The following TNR variants were observed in gnomAD, a reference collection of about 807,000 sequenced individuals.
TNR encodes tenascin R.
TNR carries 45 observed loss-of-function variants against 150.4 expected under a neutral mutation model. The observed-to-expected ratio is 0.30, with a 90% CI of 0.24 to 0.38. The LOEUF is 0.38. Ranked by LOEUF, TNR falls within the 10% of genes least tolerant of loss-of-function variation. The probability of loss-of-function intolerance (pLI) is 1.00; values close to 1 mark genes in which losing one functional copy is unlikely to be tolerated. For synonymous variants in TNR, 687 were observed against 678.4 expected, an observed-to-expected ratio of 1.01 and a Z score of -0.20; for missense variants, 1,544 against 1,759.1, an observed-to-expected ratio of 0.88 and a Z score of 2.19.
chr1:175,420,488 A>T (rs762754304), intron 2 of TNR, among the ~76,000 whole-genome samples: 5 of 152,240 alleles, frequency 3.3e-5, no homozygotes, highest in Admixed American at 1.3e-4. Flanking sequence ...GCCTTCAACT[A>T]ACCTAACAGT....
chr1:175,500,239 G>A (rs2102148517), intron 2 of TNR, among the ~76,000 whole-genome samples: 1 of 152,298 alleles, frequency 6.6e-6, no homozygotes, highest in South Asian at 2.1e-4. Context: ...AGTCACTTGA[G>A]TTTCTGGGAA....
intron 1 of TNR, among the ~76,000 whole-genome samples, chr1:175,726,416 C>A (rs1033526168): frequency 1.3e-5 from 2 of 152,344 alleles, no homozygotes; most frequent in South Asian, 4.1e-4. Context: ...AGATTTTCTG[C>A]AGTTTAGGCC....
intron 1 of TNR, among the ~76,000 whole-genome samples, chr1:175,585,090 T>C (rs1305057274): frequency 6.6e-6 from 1 of 152,226 alleles, no homozygotes; most frequent in Non-Finnish European, 1.5e-5. Context: ...TTCTGAGGCC[T>C]TAACTCATGT....
At chr1:175,351,208 T>A (rs1313174098) in intron 18 of TNR, among the ~76,000 whole-genome samples, 2 of 152,202 alleles carry the variant, frequency 1.3e-5, no homozygotes, top group African/African-American at 4.8e-5. Flanking sequence ...TTATTGGTAA[T>A]GTCCCCAATC....
intron 2 of TNR, among the ~76,000 whole-genome samples, chr1:175,525,316 T>C (rs1659806091): frequency 1.3e-5 from 2 of 152,174 alleles, no homozygotes. Flanking sequence ...TCCCAGGCAG[T>C]TCTTTACAGA....
intron 1 of TNR, among the ~76,000 whole-genome samples, chr1:175,620,846 G>A (rs202182108): frequency 4.0e-5 from 6 of 151,590 alleles, no homozygotes; most frequent in Non-Finnish European, 7.4e-5. Context: ...AAAAAAAAAA[G>A]AGAGAGAGAA....
chr1:175,495,073 C>T (rs1483489537), intron 2 of TNR, among the ~76,000 whole-genome samples: 1 of 152,168 alleles, frequency 6.6e-6, no homozygotes, highest in Non-Finnish European at 1.5e-5. Flanking sequence ...ATTCATTGCT[C>T]ACCCACTCAT....
chr1:175,649,515 T>C (rs1664891530), intron 1 of TNR, among the ~76,000 whole-genome samples: 1 of 152,106 alleles, frequency 6.6e-6, no homozygotes, highest in Non-Finnish European at 1.5e-5. Context: ...GCATCTTCCT[T>C]GTTTCTTGAT....
In TNR at chr1:175,355,653, C is replaced by T. The variant is rs774883805; in HGVS notation, c.3119-20G>A. 1.9e-6 allele frequency: 3 copies of T among 1,612,452 alleles called. No individual in the cohort carries two copies. Among genetic ancestry groups the T allele is most frequent in the South Asian group, 2.2e-5 (2 of 90,818 alleles). ...CCAGGACTGCAAAGAGGAGAAAGTG[C>T]CAGGGCATGCCTGCCTCTCCAGCTC... On this transcript the variant is annotated intron_variant, in intron 16 of 22. Coordinates refer to ENST00000367674, the MANE Select transcript of TNR (RefSeq NM_003285.3).
chr1:175,565,847 G>A (rs1661620862), intron 1 of TNR, among the ~76,000 whole-genome samples: 6 of 152,176 alleles, frequency 3.9e-5, no homozygotes, highest in South Asian at 2.1e-4. Context: ...ACTAAAAAAC[G>A]AATTACATTT....
rs567137759 is a variant in TNR at position 175,453,769 on chromosome 1, C to T, written c.-63-46992G>A. On this transcript the variant is annotated intron_variant, in intron 2 of 22. Transcript: ENST00000367674. ...AAAGTTTTTTTTAGAGACTATGTCT[C>T]GCTTTGTTGTCCAGTCTGGTCTCGA... Among the ~76,000 whole-genome samples, 25 of 152,224 alleles carry T rather than the reference C, an allele frequency of 1.6e-4. 3 individuals carry two copies. In the South Asian group the frequency reaches 4.6e-3, roughly 28 times the overall value.
intron 1 of TNR, among the ~76,000 whole-genome samples, chr1:175,535,295 C>T (rs1660229813): frequency 6.6e-6 from 1 of 152,200 alleles, no homozygotes; most frequent in African/African-American, 2.4e-5. Context: ...GCAGCAGATT[C>T]AGTGCATGAA....
intron 1 of TNR, among the ~76,000 whole-genome samples, chr1:175,691,162 C>A (rs971364009): frequency 5.3e-5 from 4 of 75,274 alleles, no homozygotes; most frequent in Non-Finnish European, 1.1e-4. Flanking sequence ...CCTATCCACA[C>A]CTTAACACCC....
chr1:175,420,850 T>C (rs985989295), intron 2 of TNR, among the ~76,000 whole-genome samples: 2 of 152,196 alleles, frequency 1.3e-5, no homozygotes, highest in Admixed American at 6.5e-5. Flanking sequence ...AAATTCACAG[T>C]GTAAAAAGGA....
At chr1:175,609,626 G>A (rs1663529573) in intron 1 of TNR, among the ~76,000 whole-genome samples, 1 of 152,172 alleles carries the variant, frequency 6.6e-6, no homozygotes, top group Non-Finnish European at 1.5e-5. Context: ...GACTTTGCAG[G>A]GCTAGAGACA....
chr1:175,578,520 A>G (rs1210943561), intron 1 of TNR, among the ~76,000 whole-genome samples: 1 of 152,194 alleles, frequency 6.6e-6, no homozygotes, highest in Non-Finnish European at 1.5e-5. Context: ...TGACATGGGC[A>G]TACAGAGGGG....
At chr1:175,451,028 G>A (rs1656286367) in intron 2 of TNR, among the ~76,000 whole-genome samples, 1 of 152,086 alleles carries the variant, frequency 6.6e-6, no homozygotes, top group Non-Finnish European at 1.5e-5. Context: ...GGGGATGAAG[G>A]CATTTGTGAT....
At chr1:175,350,287 C>T (rs1358395952) in intron 18 of TNR, among the ~76,000 whole-genome samples, 1 of 152,210 alleles carries the variant, frequency 6.6e-6, no homozygotes, top group Non-Finnish European at 1.5e-5. Flanking sequence ...ATTGTCTTTA[C>T]TTAACCTCAA....
intron 1 of TNR, among the ~76,000 whole-genome samples, chr1:175,668,007 G>C (rs1665582189): frequency 6.6e-6 from 1 of 152,112 alleles, no homozygotes; most frequent in South Asian, 2.1e-4. Context: ...AGAATCTCAG[G>C]CCTCTCCCCA....
Sources: allele counts gnomAD v4.1 joint callset (sites outside exome capture counted in the v4.1 genomes callset), GRCh38; gene constraint gnomAD v4.1.1; transcripts MANE v1.5; gene names NCBI Gene and HGNC (gene_info 2026-07-23, HGNC 2026-07-21).